Variants in CUL1 observed in about 807,000 individuals in gnomAD.
CUL1 encodes the protein cullin-1.
CUL1 carries 24 observed loss-of-function variants against 118.0 expected under a neutral mutation model. The ratio of observed to expected loss-of-function variants is 0.20; its 90% CI spans 0.15 to 0.29. The LOEUF is 0.29. Among genes scored for constraint, CUL1 ranks in the 10% least tolerant of loss-of-function variants. CUL1 has a pLI of 1.00. For missense variants in CUL1, 361 were observed against 933.8 expected (o/e 0.39, Z 7.99); for synonymous variants, 332 against 340.4 (o/e 0.98, Z 0.27).
At chr7:148,710,979 C>CT (rs1227857396) in intron 1 of CUL1, among the ~76,000 whole-genome samples, 7 of 151,980 alleles carry the variant, frequency 4.6e-5, no homozygotes, top group Non-Finnish European at 7.4e-5. Flanking sequence ...ACATTTTCTC[C>CT]TTTATTATAG....
chr7:148,796,395 A>G (rs981519042), intron 17 of CUL1, among the ~76,000 whole-genome samples: 3 of 152,102 alleles, frequency 2.0e-5, no homozygotes, highest in African/African-American at 4.8e-5. Context: ...TTGCATTTAT[A>G]TTCATAAGGG....
At chr7:148,765,433 C>T (rs940325104) in intron 7 of CUL1, among the ~76,000 whole-genome samples, 6 of 152,066 alleles carry the variant, frequency 3.9e-5, no homozygotes, top group African/African-American at 1.4e-4. Flanking sequence ...AGTTTGAGAC[C>T]AGCCTGAGCA....
intron 13 of CUL1, 44 bp from the exon 14 acceptor site, chr7:148,788,513 A>G: frequency 8.0e-7 from 1 of 1,257,218 alleles, no homozygotes; most frequent in Non-Finnish European, 1.2e-6. Flanking sequence ...ATACATTTGT[A>G]TTTTTGTACA....
At chr7:148,718,088 C>T (rs946345954) in intron 1 of CUL1, among the ~76,000 whole-genome samples, 5 of 152,160 alleles carry the variant, frequency 3.3e-5, no homozygotes, top group Non-Finnish European at 7.3e-5. Flanking sequence ...GCGCTGATAC[C>T]AAGACCCATA....
chr7:148,773,411 T>G (rs111447039), intron 9 of CUL1, among the ~76,000 whole-genome samples: 2 of 152,132 alleles, frequency 1.3e-5, no homozygotes, highest in African/African-American at 4.8e-5. Flanking sequence ...ACCTTAACTC[T>G]TCTATCCTAA....
In CUL1 at chr7:148,787,868, G is replaced by C. The variant is rs539062566; in HGVS notation, c.1480-689G>C. 1.1e-4 allele frequency among the ~76,000 whole-genome samples: 16 copies of C among 152,282 alleles called. No individual in the cohort carries two copies. Among genetic ancestry groups the C allele is most frequent in the African/African-American group, 3.8e-4 (16 of 41,560 alleles). ...GCTGTCGAGTGCTCTTATCTGACTT[G>C]GGACATACTTTACTTTGGCCCCAAA... On this transcript the variant is annotated intron_variant, in intron 13 of 21. Coordinates refer to ENST00000325222, the MANE Select transcript of CUL1 (RefSeq NM_003592.3). This position sits in a 1 kb window ranked among gnomAD's most constrained non-coding sequence, Gnocchi z 5.5.
At chr7:148,706,266 A>G (rs1266985329) in intron 1 of CUL1, among the ~76,000 whole-genome samples, 1 of 152,178 alleles carries the variant, frequency 6.6e-6, no homozygotes, top group Non-Finnish European at 1.5e-5. Context: ...AGGATACTCA[A>G]TTTGTGTTCA....
chr7:148,786,469 G>T (rs956152320), intron 11 of CUL1, 82 bp from the exon 12 acceptor site: 2 of 1,060,682 alleles, frequency 1.9e-6, no homozygotes, highest in African/African-American at 3.1e-5. Context: ...TCTTTTGAAT[G>T]CTTGAAGCTG....
rs201571314 is a variant in CUL1, at chr7:148,754,369, C to G, written c.315+219C>G. Among the ~76,000 whole-genome samples, 33 of 152,276 alleles carry G rather than the reference C, an allele frequency of 2.2e-4. No individual in the cohort carries two copies. In the East Asian group the frequency reaches 5.2e-3, roughly 24 times the overall value. ...TTGTTTTTTCGAGATGGAGATCTCA[C>G]TATGTTGCCCAGGCTGGATTTTTGA... On this transcript the variant is annotated intron_variant, in intron 3 of 21. Transcript: ENST00000325222.
At chr7:148,792,473 C>T (rs975982148) in intron 16 of CUL1, among the ~76,000 whole-genome samples, 7 of 151,996 alleles carry the variant, frequency 4.6e-5, no homozygotes, top group African/African-American at 1.4e-4. Flanking sequence ...ATAGACAATA[C>T]GTTTTTTAAA....
intron 1 of CUL1, among the ~76,000 whole-genome samples, chr7:148,706,072 A>G (rs901055662): frequency 1.3e-5 from 2 of 152,198 alleles, no homozygotes; most frequent in Non-Finnish European, 2.9e-5. Context: ...GCAGGTGCAC[A>G]ACAGTTTATT....
At chr7:148,723,209 A>G (rs902031702) in intron 1 of CUL1, among the ~76,000 whole-genome samples, 5 of 152,064 alleles carry the variant, frequency 3.3e-5, no homozygotes, top group Admixed American at 6.5e-5. Flanking sequence ...TACAAACTCT[A>G]TGGGTTCTCC....
intron 9 of CUL1, among the ~76,000 whole-genome samples, chr7:148,779,380 G>A (rs376605917): frequency 8.5e-5 from 13 of 152,334 alleles, no homozygotes; most frequent in African/African-American, 3.1e-4. Context: ...TTGGGATGGG[G>A]TTTGGGAAGT....
chr7:148,786,970 G>T lies in CUL1; in HGVS notation c.1348-19G>T, dbSNP rs888692448. ...TGTGTGTGTGCTGGTTAAGTGTGTT[G>T]TCTCGGTGGCTTTGCCAGATGGTTG... On this transcript the variant is annotated intron_variant, in intron 12 of 21. Coordinates refer to ENST00000325222, the MANE Select transcript of CUL1 (RefSeq NM_003592.3). 1 of 1,597,702 alleles carries T rather than the reference G, an allele frequency of 6.3e-7. No individual in the cohort carries two copies. Among genetic ancestry groups the T allele is most frequent in the Non-Finnish European group, 8.5e-7 (1 of 1,175,982 alleles).
intron 1 of CUL1, among the ~76,000 whole-genome samples, chr7:148,703,623 C>T (rs1045529090): frequency 6.6e-6 from 1 of 151,992 alleles, no homozygotes; most frequent in Non-Finnish European, 1.5e-5. Context: ...ACCTCCGCCT[C>T]CTGGGTTCAA....
chr7:148,724,606 G>A (rs958883000), intron 1 of CUL1, among the ~76,000 whole-genome samples: 4 of 152,078 alleles, frequency 2.6e-5, no homozygotes, highest in African/African-American at 7.2e-5. Context: ...ATCCCTCTCC[G>A]GGGATTGGCC....
chr7:148,755,316 C>T (rs1234219607), intron 3 of CUL1, among the ~76,000 whole-genome samples: 2 of 152,094 alleles, frequency 1.3e-5, no homozygotes, highest in Admixed American at 1.3e-4. Context: ...AGAGTGAAGA[C>T]GTCTATACTG....
intron 2 of CUL1, among the ~76,000 whole-genome samples, chr7:148,747,263 C>T (rs11764570): frequency 1.3e-5 from 2 of 152,094 alleles, no homozygotes; most frequent in Non-Finnish European, 2.9e-5. Flanking sequence ...CAAGGAACAG[C>T]AGTCAGGCTG....
At chr7:148,795,527 G>A (rs1801159141) in intron 17 of CUL1, among the ~76,000 whole-genome samples, 1 of 151,992 alleles carries the variant, frequency 6.6e-6, no homozygotes, top group African/African-American at 2.4e-5. Context: ...AGCACTTTGG[G>A]AGCCCGAGGC....
Sources: gnomAD v4.1 joint callset for allele counts (sites outside exome capture counted in the v4.1 genomes callset) on GRCh38, gnomAD v4.1.1 for gene constraint, Gnocchi (gnomAD v3.1) non-coding constraint, MANE v1.5 for transcripts, NCBI Gene and HGNC (gene_info 2026-07-23, HGNC 2026-07-21) for gene names.